Variants in PPP6R2 observed in about 807,000 individuals in gnomAD.
PPP6R2 encodes protein phosphatase 6 regulatory subunit 2.
Under a neutral mutation model 100.2 loss-of-function variants are expected in PPP6R2, and 62 were observed. The ratio of observed to expected loss-of-function variants is 0.62; its 90% confidence interval spans 0.50 to 0.76. The LOEUF is 0.76. PPP6R2 is among the 30% of genes least tolerant of loss of function. The probability of loss-of-function intolerance (pLI) is 0.00; values close to 1 mark genes in which losing one functional copy is unlikely to be tolerated. For missense variants in PPP6R2, 1,142 were observed against 1,276.3 expected (o/e 0.89, Z 1.60); for synonymous variants, 525 against 514.7 (o/e 1.02, Z -0.27).
intron 2 of PPP6R2, among the ~76,000 whole-genome samples, chr22:50,378,114 T>C (rs1011520254): frequency 6.6e-6 from 1 of 152,094 alleles, no homozygotes; most frequent in Non-Finnish European, 1.5e-5. Flanking sequence ...CCAAAGAGTG[T>C]TCTTAAAATA....
At chr22:50,438,441 G>A in intron 18 of PPP6R2, 143 bp downstream of exon 18, 1 of 1,449,736 alleles carries the variant, frequency 6.9e-7, no homozygotes, top group Non-Finnish European at 9.3e-7. Context: ...TGCAGCGGGT[G>A]ACCCTAAGGA....
chr22:50,338,502 GGT>G, upstream of PPP6R2, among the ~76,000 whole-genome samples: 1 of 140,312 alleles, frequency 7.1e-6, no homozygotes, highest in Non-Finnish European at 1.5e-5. Flanking sequence ...TGTGGTATGT[GGT>G]GTGTGTAGTG....
intron 1 of PPP6R2, among the ~76,000 whole-genome samples, chr22:50,363,664 C>T (rs530683544): frequency 5.3e-5 from 8 of 152,352 alleles, no homozygotes; most frequent in African/African-American, 1.7e-4. Flanking sequence ...TTCAATCTCT[C>T]TCCTGCTTCT....
rs1307216881 is a variant in PPP6R2 at position 50,440,001 on chromosome 22, G to C, written c.2326G>C (p.Glu776Gln). Residue 776 changes from glutamate to glutamine, a missense_variant, in exon 21 of 24, where the codon GAA becomes CAA. Transcript: ENST00000612753. ...GPRCSSPVDT[E>Q]CSHAEGSRSQ... ...CAGGTGCAGCTCTCCGGTGGACACAGAATGCAGCCATGCTGAGGGCAGCCG... is the reference window on the plus strand; with the variant it reads ...CAGGTGCAGCTCTCCGGTGGACACACAATGCAGCCATGCTGAGGGCAGCCG... 2 of 1,613,582 alleles carry C rather than the reference G, an allele frequency of 1.2e-6. No homozygotes were observed. The highest frequency in any genetic ancestry group is 2.7e-5 in the African/African-American group (2 of 75,060).
intron 2 of PPP6R2, among the ~76,000 whole-genome samples, chr22:50,379,019 A>G (rs1367867057): frequency 6.6e-6 from 1 of 152,148 alleles, no homozygotes; most frequent in Non-Finnish European, 1.5e-5. Context: ...GACACAGTGG[A>G]GGCACCATCT....
chr22:50,408,939 AC>A (rs1445288847), intron 4 of PPP6R2, among the ~76,000 whole-genome samples: 1 of 151,970 alleles, frequency 6.6e-6, no homozygotes, highest in African/African-American at 2.4e-5. Flanking sequence ...ACGTGGAGAA[AC>A]CCCGTCTCTA....
At chr22:50,436,586 C>T (rs1371929551) in intron 14 of PPP6R2, 134 bp downstream of exon 14, 7 of 841,598 alleles carry the variant, frequency 8.3e-6, no homozygotes, top group African/African-American at 3.4e-5. Context: ...CTTGACTATG[C>T]GGTGCCCCTG....
At chr22:50,383,906 G>A (rs6520147) in intron 2 of PPP6R2, among the ~76,000 whole-genome samples, 57,106 of 151,622 alleles carry the variant, frequency 0.38, 10,990 homozygotes, top group South Asian at 0.63. Flanking sequence ...CATGATGGTG[G>A]ATGCCTGTAA....
At chr22:50,339,627 GTGT>G (rs1375423156), upstream of PPP6R2, among the ~76,000 whole-genome samples, 2 of 143,324 alleles carry the variant, frequency 1.4e-5, no homozygotes, top group Non-Finnish European at 3.0e-5. Context: ...TATGTAGTGT[GTGT>G]TATGTGGTGT....
intron 8 of PPP6R2, among the ~76,000 whole-genome samples, chr22:50,421,392 G>C (rs2147774795): frequency 6.6e-6 from 1 of 152,208 alleles, no homozygotes; most frequent in East Asian, 1.9e-4. Flanking sequence ...ACCCACGTGG[G>C]AGTACAGCAG....
intron 23 of PPP6R2, 31 bp downstream of exon 23, chr22:50,444,148 G>T: frequency 1.2e-6 from 2 of 1,612,070 alleles, no homozygotes; most frequent in Non-Finnish European, 1.7e-6. Context: ...GGTAGGGGGT[G>T]TGGACAGGGC....
intron 14 of PPP6R2, 59 bp from the exon 15 acceptor site, chr22:50,436,929 G>T (rs1603411730): frequency 4.3e-6 from 6 of 1,409,586 alleles, no homozygotes; most frequent in Non-Finnish European, 5.9e-6. Flanking sequence ...CGCTGGGCTG[G>T]GTGGGGTCTG....
intron 21 of PPP6R2, 121 bp from the exon 22 acceptor site, chr22:50,440,701 A>G (rs1351626219): frequency 1.8e-5 from 21 of 1,139,300 alleles, no homozygotes; most frequent in South Asian, 7.0e-5. Flanking sequence ...ACACAGGCAC[A>G]TGTGTGCAGG....
intron 1 of PPP6R2, among the ~76,000 whole-genome samples, chr22:50,362,996 C>G (rs1048544435): frequency 6.6e-6 from 1 of 152,158 alleles, no homozygotes; most frequent in Non-Finnish European, 1.5e-5. Flanking sequence ...AAGACTGGCT[C>G]CTTAGCCACT....
intron 2 of PPP6R2, among the ~76,000 whole-genome samples, chr22:50,379,056 T>G (rs7284516): frequency 0.072 from 10,921 of 152,186 alleles, 878 homozygotes; most frequent in African/African-American, 0.2. Flanking sequence ...CATCACACAC[T>G]GAATCTGCTG....
At chr22:50,417,520 C>T (rs942726709) in intron 6 of PPP6R2, among the ~76,000 whole-genome samples, 1 of 152,172 alleles carries the variant, frequency 6.6e-6, no homozygotes, top group Non-Finnish European at 1.5e-5. Context: ...TTACACATAC[C>T]GATCTATACA....
chr22:50,441,638 G>A (rs996875176), intron 22 of PPP6R2, among the ~76,000 whole-genome samples: 6 of 151,830 alleles, frequency 4.0e-5, no homozygotes, highest in African/African-American at 1.2e-4. Flanking sequence ...CAGCTTGCAG[G>A]CTGGCAGAGG....
chr22:50,438,159 C>A lies in PPP6R2; in HGVS notation c.1840-15C>A. 6.2e-7 allele frequency: 1 copy of A among 1,604,076 alleles called. No individual in the cohort carries two copies. Among genetic ancestry groups the A allele is most frequent in the Non-Finnish European group, 8.5e-7 (1 of 1,175,594 alleles). ...CAGACCCTCTGGAAACTCACCTTGGCGTTTTACTCTGCAGCCCAGCGCAGC... is the reference window on the plus strand; with the variant it reads ...CAGACCCTCTGGAAACTCACCTTGGAGTTTTACTCTGCAGCCCAGCGCAGC... On this transcript the variant is annotated splice_polypyrimidine_tract_variant and intron_variant, in intron 17 of 23. Coordinates refer to ENST00000612753, the MANE Select transcript of PPP6R2 (RefSeq NM_001242898.2).
At chr22:50,387,576 A>C (rs562961981) in intron 2 of PPP6R2, among the ~76,000 whole-genome samples, 1 of 152,306 alleles carries the variant, frequency 6.6e-6, no homozygotes, top group Non-Finnish European at 1.5e-5. Context: ...TCAAGCATTC[A>C]GCCTATCCAG....
Sources: allele counts gnomAD v4.1 joint callset (sites outside exome capture counted in the v4.1 genomes callset), GRCh38; gene constraint gnomAD v4.1.1; transcripts MANE v1.5; gene names NCBI Gene and HGNC (gene_info 2026-07-23, HGNC 2026-07-21).